Variants in GPR158 observed in about 807,000 individuals in gnomAD.
The protein encoded by GPR158 is metabotropic glycine receptor.
GPR158 carries 30 observed loss-of-function variants against 78.2 expected under a neutral mutation model. That is an observed-to-expected ratio of 0.38 (90% confidence interval 0.29 to 0.52). The LOEUF (loss-of-function observed/expected upper bound fraction) is 0.52, where lower values mean the gene tolerates loss of function less well. GPR158 is among the 20% of genes least tolerant of loss of function. GPR158 has a pLI of 0.83. For synonymous variants in GPR158, 581 were observed against 591.1 expected (o/e 0.98, Z 0.25); for missense variants, 1,463 against 1,523.5 (o/e 0.96, Z 0.66).
chr10:25,175,252 A>C lies in GPR158; in HGVS notation c.-169A>C. ...TGATTTCTGCGACGGTAGCTTAGCCACCCGGGGCCAATCTCGAAACATTCT... is the reference window on the plus strand; with the variant it reads ...TGATTTCTGCGACGGTAGCTTAGCCCCCCGGGGCCAATCTCGAAACATTCT... On this transcript the variant is annotated 5_prime_UTR_variant, in exon 1 of 11. Transcript: ENST00000376351. The surrounding 1 kb of genome is among the most constrained non-coding windows in gnomAD (Gnocchi z 6.4). The C allele has an allele frequency of 2.2e-4, 113 of 510,972 alleles. No individual in the cohort carries two copies. Among genetic ancestry groups the C allele is most frequent in the East Asian group, 2.0e-4 (6 of 30,178 alleles). The allele number at this position is 510,972 out of a possible 1,614,324, so 31.7% of individuals were successfully genotyped here.
chr10:25,228,503 G>A (rs945278937), intron 2 of GPR158, among the ~76,000 whole-genome samples: 1 of 152,070 alleles, frequency 6.6e-6, no homozygotes, highest in African/African-American at 2.4e-5. Context: ...ATTCCTTGAT[G>A]TAGAATGATG....
intron 1 of GPR158, among the ~76,000 whole-genome samples, chr10:25,202,604 A>G (rs1415584442): frequency 6.6e-6 from 1 of 152,178 alleles, no homozygotes; most frequent in Non-Finnish European, 1.5e-5. Context: ...TTATGGCTGC[A>G]TAGTATTTCC....
At chr10:25,305,641 C>A (rs545441662) in intron 2 of GPR158, among the ~76,000 whole-genome samples, 1 of 152,188 alleles carries the variant, frequency 6.6e-6, no homozygotes, top group African/African-American at 2.4e-5. Context: ...CTCTGGCAGT[C>A]GAGGACTGTG....
rs1328973996 is a variant in GPR158 at position 25,357,256 on chromosome 10, T to G, written c.1009-38655T>G. 3.3e-5 allele frequency among the ~76,000 whole-genome samples: 5 copies of G among 152,098 alleles called. No homozygotes were observed. In the East Asian group the frequency reaches 9.7e-4, roughly 30 times the overall value. ...AGAAGATCATAAAAGTTTTGAAAAT[T>G]TGCAGCCTGACAAAGTAATACAAAA... On this transcript the variant is annotated intron_variant, in intron 2 of 10. Coordinates refer to ENST00000376351, the MANE Select transcript of GPR158 (RefSeq NM_020752.3).
chr10:25,204,342 G>C (rs1267213403), intron 1 of GPR158, among the ~76,000 whole-genome samples: 5 of 152,304 alleles, frequency 3.3e-5, no homozygotes, highest in African/African-American at 1.2e-4. Context: ...AGTTTTCAAA[G>C]GGAAAGCTTC....
chr10:25,327,404 T>G (rs1855051836), intron 2 of GPR158, among the ~76,000 whole-genome samples: 1 of 152,168 alleles, frequency 6.6e-6, no homozygotes, highest in African/African-American at 2.4e-5. Context: ...AATGGCAAAT[T>G]TATTGCTGTG....
At chr10:25,587,531 C>G (rs1837283709) in intron 7 of GPR158, among the ~76,000 whole-genome samples, 1 of 152,100 alleles carries the variant, frequency 6.6e-6, no homozygotes, top group Non-Finnish European at 1.5e-5. Context: ...GTAAAGAAGG[C>G]AACGGTAATT....
intron 1 of GPR158, among the ~76,000 whole-genome samples, chr10:25,201,230 G>A (rs1393289248): frequency 6.6e-6 from 1 of 152,030 alleles, no homozygotes; most frequent in African/African-American, 2.4e-5. Flanking sequence ...TCCCTGGTTA[G>A]GTGTATTCCT....
chr10:25,544,285 G>GTT (rs1185513225), intron 5 of GPR158, among the ~76,000 whole-genome samples: 3 of 104,608 alleles, frequency 2.9e-5, no homozygotes, highest in South Asian at 3.3e-4. Flanking sequence ...TCAGCATAGT[G>GTT]TTTTATTTTT....
At chr10:25,513,398 T>C (rs182727782) in intron 5 of GPR158, among the ~76,000 whole-genome samples, 1 of 152,176 alleles carries the variant, frequency 6.6e-6, no homozygotes, top group East Asian at 1.9e-4. Context: ...TAATTGAGCT[T>C]ATTTGGATCT....
At chr10:25,220,294 G>A (rs1467890699) in intron 1 of GPR158, among the ~76,000 whole-genome samples, 4 of 152,158 alleles carry the variant, frequency 2.6e-5, no homozygotes, top group Non-Finnish European at 5.9e-5. Flanking sequence ...AAAATAGAAA[G>A]GAGGGAATCT....
intron 2 of GPR158, among the ~76,000 whole-genome samples, chr10:25,366,456 A>G (rs1048896120): frequency 2.8e-4 from 43 of 151,808 alleles, no homozygotes; most frequent in African/African-American, 7.9e-4. Flanking sequence ...AATAAAAATT[A>G]TATGTATTTA....
At chr10:25,315,371 T>A (rs1457504096) in intron 2 of GPR158, among the ~76,000 whole-genome samples, 1 of 152,146 alleles carries the variant, frequency 6.6e-6, no homozygotes, top group African/African-American at 2.4e-5. Context: ...ATCTTTGCTA[T>A]GTTTAATGTC....
chr10:25,440,583 A>T (rs1835054772), intron 4 of GPR158, among the ~76,000 whole-genome samples: 1 of 152,208 alleles, frequency 6.6e-6, no homozygotes, highest in African/African-American at 2.4e-5. Flanking sequence ...GTTCTTACTG[A>T]CTTTTAAAAT....
At chr10:25,186,223 G>C (rs1203597687) in intron 1 of GPR158, among the ~76,000 whole-genome samples, 1 of 152,294 alleles carries the variant, frequency 6.6e-6, no homozygotes, top group Non-Finnish European at 1.5e-5. Context: ...ATTTAAAGCG[G>C]TGTGTAGAGG....
chr10:25,275,535 G>C (rs1854172498), intron 2 of GPR158, among the ~76,000 whole-genome samples: 1 of 152,162 alleles, frequency 6.6e-6, no homozygotes, highest in Non-Finnish European at 1.5e-5. Context: ...CATGGTGCCA[G>C]GAAGAGAGAT....
intron 5 of GPR158, among the ~76,000 whole-genome samples, chr10:25,487,329 A>G (rs1232453770): frequency 6.6e-6 from 1 of 152,160 alleles, no homozygotes; most frequent in Admixed American, 6.6e-5. Context: ...TTGCACTTCT[A>G]TACGAGGACT....
intron 5 of GPR158, among the ~76,000 whole-genome samples, chr10:25,541,223 A>G (rs1024952794): frequency 2.2e-4 from 34 of 152,078 alleles, no homozygotes; most frequent in African/African-American, 8.2e-4. Flanking sequence ...GGACTTGCCA[A>G]TCATAATTCC....
chr10:25,217,016 G>A (rs1327288142), intron 1 of GPR158, among the ~76,000 whole-genome samples: 1 of 152,074 alleles, frequency 6.6e-6, no homozygotes, highest in African/African-American at 2.4e-5. Context: ...GTCGGGATTG[G>A]GTTTATATGT....
Sources: gnomAD v4.1 joint callset for allele counts (sites outside exome capture counted in the v4.1 genomes callset) on GRCh38, gnomAD v4.1.1 for gene constraint, Gnocchi (gnomAD v3.1) non-coding constraint, MANE v1.5 for transcripts, NCBI Gene and HGNC (gene_info 2026-07-23, HGNC 2026-07-21) for gene names.